The following C12orf42 variants were observed in gnomAD, a reference collection of about 807,000 sequenced individuals.
The protein encoded by C12orf42 is uncharacterized protein C12orf42.
Under a neutral mutation model 21.6 loss-of-function variants are expected in C12orf42, and 25 were observed. The ratio of observed to expected loss-of-function variants is 1.16; its 90% CI spans 0.84 to 1.62. C12orf42 has a LOEUF of 1.62. Ranked by LOEUF, C12orf42 falls within the 40% of genes most tolerant of loss-of-function variation. The pLI is 0.00. For missense variants in C12orf42, 483 were observed against 459.3 expected, an observed-to-expected ratio of 1.05 and a Z score of -0.47; for synonymous variants, 174 against 175.0, an observed-to-expected ratio of 0.99 and a Z score of 0.05.
the C12orf42 span, among the ~76,000 whole-genome samples, chr12:103,066,997 T>G: frequency 2.6e-5 from 4 of 152,180 alleles, no homozygotes; most frequent in African/African-American, 9.6e-5. Flanking sequence ...CTCAGCAACA[T>G]GGACTTCCGC....
Position 103,467,145 on chromosome 12 carries a change from T to A in C12orf42, c.78+11204A>T, listed in dbSNP as rs142780033. Among the ~76,000 whole-genome samples the A allele has an allele frequency of 4.6e-5, 7 of 152,348 alleles. No homozygotes were observed. The East Asian group carries it at 1.3e-3, about 29-fold the overall frequency. On this transcript the variant is annotated intron_variant, in intron 2 of 5. Coordinates refer to ENST00000548883, the MANE Select transcript of C12orf42 (RefSeq NM_198521.5). ...GTCTGTTACATATTGGATAATATTA[T>A]GTAAAAAAGCATTCTCCTTCTCTGT...
At chr12:103,434,729 G>A (rs1046268946) in intron 2 of C12orf42, among the ~76,000 whole-genome samples, 4 of 152,212 alleles carry the variant, frequency 2.6e-5, no homozygotes, top group Admixed American at 1.3e-4. Flanking sequence ...ATTATATGCC[G>A]CACCTGGCTT....
At chr12:103,103,804 C>CT in the C12orf42 span, among the ~76,000 whole-genome samples, 5,167 of 142,942 alleles carry the variant, frequency 0.036, 153 homozygotes, top group African/African-American at 0.079. Flanking sequence ...TAATAGCTCA[C>CT]TTTTTTTTTT....
At position 103,438,937 on chromosome 12, in the gene C12orf42, C is replaced by A. The variant is rs199900324; in HGVS notation, c.79-37262G>T. ...AAGTTCATATGGAACCAAAAAAGAG[C>A]CCGCATCGCCAAGGCAATCATAAGG... On this transcript the variant is annotated intron_variant, in intron 2 of 5. Coordinates refer to ENST00000548883, the MANE Select transcript of C12orf42 (RefSeq NM_198521.5). Among the ~76,000 whole-genome samples, 74 of 152,070 alleles carry A rather than the reference C, an allele frequency of 4.9e-4. 1 individual carries two copies. The East Asian group carries it at 0.013, about 26-fold the overall frequency.
intron 10 of C12orf42, among the ~76,000 whole-genome samples, chr12:103,246,970 A>G (rs1474984484): frequency 2.0e-5 from 3 of 152,078 alleles, no homozygotes; most frequent in Non-Finnish European, 4.4e-5. Flanking sequence ...AAAAACTGAA[A>G]TAAGATTTTC....
At chr12:103,143,516 C>A in the C12orf42 span, among the ~76,000 whole-genome samples, 8 of 152,148 alleles carry the variant, frequency 5.3e-5, no homozygotes, top group Admixed American at 6.5e-5. Context: ...CAAGAAAACT[C>A]CTCTACTGTG....
At chr12:103,451,504 G>A (rs1054550344) in intron 2 of C12orf42, among the ~76,000 whole-genome samples, 4 of 152,034 alleles carry the variant, frequency 2.6e-5, no homozygotes, top group Non-Finnish European at 4.4e-5. Context: ...ATGAGCTGCT[G>A]CACCCAGCCC....
At chr12:103,395,029 G>A (rs897132808) in intron 3 of C12orf42, among the ~76,000 whole-genome samples, 1 of 152,204 alleles carries the variant, frequency 6.6e-6, no homozygotes, top group Non-Finnish European at 1.5e-5. Context: ...AAAATCAAGT[G>A]AACATCTACA....
At chr12:103,289,586 C>T (rs1372321080) in intron 4 of C12orf42, among the ~76,000 whole-genome samples, 1 of 151,790 alleles carries the variant, frequency 6.6e-6, no homozygotes, top group Non-Finnish European at 1.5e-5. Flanking sequence ...TTAAAATGTT[C>T]CAAAATAGCA....
At chr12:103,501,665 C>T in the C12orf42 span, among the ~76,000 whole-genome samples, 1 of 152,322 alleles carries the variant, frequency 6.6e-6, no homozygotes, top group South Asian at 2.1e-4. Flanking sequence ...TTGCCATTTT[C>T]ATCACAGCCA....
the C12orf42 span, chr12:103,558,570 CATG>C: frequency 2.6e-5 from 4 of 152,224 alleles, no homozygotes; most frequent in Non-Finnish European, 4.4e-5. Context: ...ATCATCTTTT[CATG>C]TACCCCAAAT....
At chr12:103,390,369 C>T (rs77576687) in intron 3 of C12orf42, among the ~76,000 whole-genome samples, 63 of 152,292 alleles carry the variant, frequency 4.1e-4, no homozygotes, top group African/African-American at 1.4e-3. Flanking sequence ...TACGTACATA[C>T]ACAATGCTCA....
Position 103,341,501 on chromosome 12 carries a change from A to AT in C12orf42, c.259+27385dup, listed in dbSNP as rs2042173803. Among the ~76,000 whole-genome samples the AT allele has an allele frequency of 5.9e-5, 9 of 152,352 alleles. No individual in the cohort carries two copies. In the South Asian group the frequency reaches 1.9e-3, roughly 32 times the overall value. On this transcript the variant is annotated intron_variant, in intron 4 of 5. Transcript: ENST00000548883. Reference sequence around the variant, plus strand: ...ATAACAAAACAAAGATTTACAGATAATGAGCCAACAAAGATGATGAAATGG... The same window carrying AT: ...ATAACAAAACAAAGATTTACAGATAATTGAGCCAACAAAGATGATGAAATGG...
intron 2 of C12orf42, among the ~76,000 whole-genome samples, chr12:103,424,638 C>T (rs763191087): frequency 2.6e-5 from 4 of 152,166 alleles, no homozygotes; most frequent in Admixed American, 6.5e-5. Flanking sequence ...CAGTGCATTC[C>T]GGATACTATG....
At chr12:103,482,173 T>C (rs1328757188) in intron 1 of C12orf42, among the ~76,000 whole-genome samples, 3 of 152,138 alleles carry the variant, frequency 2.0e-5, no homozygotes, top group African/African-American at 7.2e-5. Context: ...CTTTTTTGCA[T>C]CTCAAATCTG....
intron 1 of C12orf42, among the ~76,000 whole-genome samples, chr12:103,482,132 C>T (rs145455336): frequency 6.6e-6 from 1 of 152,162 alleles, no homozygotes; most frequent in East Asian, 1.9e-4. Context: ...TTGATTTATG[C>T]ACATACTTAT....
intron 4 of C12orf42, among the ~76,000 whole-genome samples, chr12:103,320,967 G>A (rs2040029453): frequency 6.6e-6 from 1 of 152,166 alleles, no homozygotes; most frequent in Non-Finnish European, 1.5e-5. Context: ...CCAGCCCAGT[G>A]CCTAGCATGC....
At chr12:103,164,058 C>A in the C12orf42 span, among the ~76,000 whole-genome samples, 1 of 152,242 alleles carries the variant, frequency 6.6e-6, no homozygotes, top group East Asian at 1.9e-4. Context: ...TTATTATAAG[C>A]CCAGTGTTGT....
chr12:103,355,366 T>C (rs1043382804), intron 4 of C12orf42, among the ~76,000 whole-genome samples: 10 of 152,112 alleles, frequency 6.6e-5, no homozygotes, highest in African/African-American at 2.4e-4. Context: ...TACTTCTGTA[T>C]TGGTGTATGT....
Sources: allele counts gnomAD v4.1 joint callset (sites outside exome capture counted in the v4.1 genomes callset), GRCh38; gene constraint gnomAD v4.1.1; transcripts MANE v1.5; gene names NCBI Gene and HGNC (gene_info 2026-07-23, HGNC 2026-07-21).